KCNQ5: variants seen among roughly 807,000 people sequenced by gnomAD.
KCNQ5 encodes the protein potassium voltage-gated channel subfamily KQT member 5.
KCNQ5 carries 30 observed loss-of-function variants against 98.2 expected under a neutral mutation model. The ratio of observed to expected loss-of-function variants is 0.31; its 90% CI spans 0.23 to 0.41. The LOEUF is 0.41. KCNQ5 is among the 10% of genes least tolerant of loss of function. The pLI is 1.00. For missense variants in KCNQ5, 835 were observed against 1,182.5 expected (o/e 0.71, Z 4.31); for synonymous variants, 458 against 449.4 (o/e 1.02, Z -0.24).
chr6:73,046,697 A>G (rs1266940168), intron 3 of KCNQ5, among the ~76,000 whole-genome samples: 1 of 148,796 alleles, frequency 6.7e-6, no homozygotes, highest in Non-Finnish European at 1.5e-5. Context: ...GCTGGAGTCC[A>G]AATGGCATAG....
chr6:72,680,818 A>G (rs890972918), intron 1 of KCNQ5, among the ~76,000 whole-genome samples: 3 of 152,220 alleles, frequency 2.0e-5, no homozygotes, highest in Non-Finnish European at 4.4e-5. Flanking sequence ...AAAAGTATAA[A>G]TTAGCATTAT....
intron 1 of KCNQ5, among the ~76,000 whole-genome samples, chr6:72,914,003 C>A (rs1164032271): frequency 6.6e-6 from 1 of 152,158 alleles, no homozygotes; most frequent in Non-Finnish European, 1.5e-5. Flanking sequence ...TGTTCCTTTC[C>A]TCCAGGTGTA....
intron 10 of KCNQ5, among the ~76,000 whole-genome samples, chr6:73,137,813 A>C (rs1236826891): frequency 6.6e-6 from 1 of 152,162 alleles, no homozygotes; most frequent in Non-Finnish European, 1.5e-5. Flanking sequence ...GTCCTCCTAC[A>C]AACGTATTCT....
chr6:73,034,839 CTT>C (rs71669816), intron 2 of KCNQ5, among the ~76,000 whole-genome samples: 6,715 of 113,532 alleles, frequency 0.059, 226 homozygotes, highest in African/African-American at 0.12. Flanking sequence ...TGCCTCTTTT[CTT>C]TTTTTTTTTT....
At chr6:73,026,053 A>G (rs994798845) in intron 2 of KCNQ5, among the ~76,000 whole-genome samples, 1 of 152,188 alleles carries the variant, frequency 6.6e-6, no homozygotes, top group Non-Finnish European at 1.5e-5. Flanking sequence ...CACACTTATG[A>G]GTCTTGTCCC....
chr6:73,058,132 G>C (rs1251016561), intron 3 of KCNQ5, among the ~76,000 whole-genome samples: 2 of 152,122 alleles, frequency 1.3e-5, no homozygotes, highest in Non-Finnish European at 2.9e-5. Context: ...CCTAAAACTG[G>C]CCGGGCACGG....
chr6:73,178,805 A>G (rs1778306481), intron 11 of KCNQ5, among the ~76,000 whole-genome samples: 1 of 152,204 alleles, frequency 6.6e-6, no homozygotes, highest in Non-Finnish European at 1.5e-5. Flanking sequence ...TAAAACTGTC[A>G]GAGTTTAAAT....
At chr6:72,954,877 C>T (rs950742768) in intron 1 of KCNQ5, among the ~76,000 whole-genome samples, 5 of 152,288 alleles carry the variant, frequency 3.3e-5, no homozygotes, top group African/African-American at 1.2e-4. Context: ...AATCTGGGGG[C>T]CATGGCCCTC....
chr6:72,694,835 G>T (rs1431010118), intron 1 of KCNQ5, among the ~76,000 whole-genome samples: 2 of 152,140 alleles, frequency 1.3e-5, no homozygotes, highest in African/African-American at 4.8e-5. Flanking sequence ...ACTGAGCATA[G>T]TACCCAACAG....
intron 1 of KCNQ5, among the ~76,000 whole-genome samples, chr6:72,922,625 T>G (rs1562069771): frequency 6.6e-6 from 1 of 152,144 alleles, no homozygotes; most frequent in Non-Finnish European, 1.5e-5. Flanking sequence ...TTCTCAAATT[T>G]TTCAAATTCC....
At chr6:73,064,876 A>G (rs1032620316) in intron 3 of KCNQ5, among the ~76,000 whole-genome samples, 6 of 152,148 alleles carry the variant, frequency 3.9e-5, no homozygotes, top group African/African-American at 1.4e-4. Context: ...CTACTCATTC[A>G]TGATGACTCT....
At chr6:72,665,641 CTTCCTTTCT>C (rs1202605926) in intron 1 of KCNQ5, among the ~76,000 whole-genome samples, 1 of 152,178 alleles carries the variant, frequency 6.6e-6, no homozygotes, top group Non-Finnish European at 1.5e-5. Context: ...AACCAGACTA[CTTCCTTTCT>C]TTCCATATAA....
intron 1 of KCNQ5, among the ~76,000 whole-genome samples, chr6:72,971,893 C>T (rs371715691): frequency 1.1e-3 from 163 of 152,108 alleles, no homozygotes; most frequent in African/African-American, 3.8e-3. Flanking sequence ...ATGTAAATGA[C>T]GAGTTAATGA....
intron 9 of KCNQ5, chr6:73,129,965 G>A (rs1776158268): frequency 1.3e-6 from 1 of 757,436 alleles, no homozygotes; most frequent in Non-Finnish European, 2.2e-6. Flanking sequence ...ACTCTTTCTA[G>A]GGACTTCTTG....
intron 3 of KCNQ5, chr6:73,055,482 T>C (rs1175749191): frequency 1.3e-6 from 2 of 1,550,566 alleles, no homozygotes; most frequent in Admixed American, 3.4e-5. Context: ...TACCATCCTT[T>C]CTACAGCAAC....
Position 72,675,607 on chromosome 6 carries a change from G to T in KCNQ5, c.398+53020G>T, listed in dbSNP as rs184059726. On this transcript the variant is annotated intron_variant, in intron 1 of 13. Coordinates refer to ENST00000370398, the MANE Select transcript of KCNQ5 (RefSeq NM_019842.4). ...TAAGATTGAGTGACTGGACAATAGC[G>T]ATAACTGCCAGTGAGATAATAACTG... Among the ~76,000 whole-genome samples the T allele has an allele frequency of 5.7e-3, 865 of 152,280 alleles. 2 individuals carry two copies. Among genetic ancestry groups the T allele is most frequent in the Non-Finnish European group, 9.2e-3 (623 of 68,026 alleles).
intron 1 of KCNQ5, among the ~76,000 whole-genome samples, chr6:72,734,794 A>C (rs1343330800): frequency 6.6e-6 from 1 of 152,202 alleles, no homozygotes; most frequent in Non-Finnish European, 1.5e-5. Flanking sequence ...TTAAAATTTA[A>C]GATTACCCAG....
chr6:72,886,254 GAT>G (rs1778837876), intron 1 of KCNQ5, among the ~76,000 whole-genome samples: 1 of 152,158 alleles, frequency 6.6e-6, no homozygotes, highest in South Asian at 2.1e-4. Flanking sequence ...GAACATTAGA[GAT>G]ACACAGGCAT....
chr6:72,795,999 A>G (rs1582306284), intron 1 of KCNQ5, among the ~76,000 whole-genome samples: 1 of 152,150 alleles, frequency 6.6e-6, no homozygotes, highest in Non-Finnish European at 1.5e-5. Context: ...CCTTTCAGAA[A>G]ATGTACACCT....
Sources: allele counts gnomAD v4.1 joint callset (sites outside exome capture counted in the v4.1 genomes callset), GRCh38; gene constraint gnomAD v4.1.1; transcripts MANE v1.5; gene names NCBI Gene and HGNC (gene_info 2026-07-23, HGNC 2026-07-21).